The following DPP6 variants were observed in gnomAD, a reference collection of about 807,000 sequenced individuals.
DPP6 encodes dipeptidyl peptidase like 6, also known as A-type potassium channel modulatory protein DPP6.
A neutral mutation model predicts 122.6 loss-of-function variants in DPP6; 69 were observed. The observed-to-expected ratio is 0.56, with a 90% CI of 0.46 to 0.69. The LOEUF is 0.69. DPP6 is among the 30% of genes least tolerant of loss of function. The probability of loss-of-function intolerance (pLI) is 0.00; values close to 1 mark genes in which losing one functional copy is unlikely to be tolerated. For missense variants in DPP6, 928 were observed against 1,116.9 expected (o/e 0.83, Z 2.41); for synonymous variants, 418 against 433.1 (o/e 0.97, Z 0.43).
intron 1 of DPP6, among the ~76,000 whole-genome samples, chr7:154,180,994 TCAATCC>T (rs966805444): frequency 6.6e-6 from 1 of 152,228 alleles, no homozygotes; most frequent in African/African-American, 2.4e-5. Flanking sequence ...CCCTGCCAGT[TCAATCC>T]CCTGGCTTGG....
At chr7:154,463,178 C>T (rs890688427) in intron 2 of DPP6, among the ~76,000 whole-genome samples, 1 of 145,356 alleles carries the variant, frequency 6.9e-6, no homozygotes, top group African/African-American at 2.5e-5. Flanking sequence ...GTGCTTTTTA[C>T]CTTTACTTCT....
rs77654501 is a variant in DPP6, at chr7:154,399,639, G to A, written c.244-46575G>A. Among the ~76,000 whole-genome samples, 679 of 152,256 alleles carry A rather than the reference G, an allele frequency of 4.5e-3. 4 individuals are homozygous for A. Among genetic ancestry groups the A allele is most frequent in the African/African-American group, 0.016 (658 of 41,546 alleles). On this transcript the variant is annotated intron_variant, in intron 1 of 25. Coordinates refer to ENST00000377770, the MANE Select transcript of DPP6 (RefSeq NM_130797.4). ...GAGAACATCCTCTGAGAAAAGAACT[G>A]TGTGCATCTTGCCATGGAAAAGAAG...
intron 5 of DPP6, among the ~76,000 whole-genome samples, chr7:154,594,501 T>A (rs1358491857): frequency 1.3e-5 from 2 of 152,204 alleles, no homozygotes; most frequent in African/African-American, 4.8e-5. Flanking sequence ...GCAATAATTG[T>A]CCTTCTCACC....
intron 1 of DPP6, among the ~76,000 whole-genome samples, chr7:154,061,985 C>T (rs1303630453): frequency 1.6e-5 from 2 of 127,804 alleles, no homozygotes; most frequent in Non-Finnish European, 3.4e-5. Flanking sequence ...ATCCCCTCTT[C>T]CGCCCCTGGC....
intron 1 of DPP6, among the ~76,000 whole-genome samples, chr7:153,941,760 G>T (rs1049561954): frequency 1.3e-5 from 2 of 152,208 alleles, no homozygotes; most frequent in African/African-American, 4.8e-5. Context: ...AAGAAATGCA[G>T]TCCCAATCTT....
At chr7:154,562,716 G>A (rs1027632980) in intron 4 of DPP6, among the ~76,000 whole-genome samples, 1 of 152,014 alleles carries the variant, frequency 6.6e-6, no homozygotes, top group Non-Finnish European at 1.5e-5. Context: ...ATATCTACCA[G>A]AACAAATAAT....
At chr7:154,602,577 A>G (rs996615849) in intron 5 of DPP6, among the ~76,000 whole-genome samples, 1 of 116,222 alleles carries the variant, frequency 8.6e-6, no homozygotes, top group African/African-American at 2.7e-5. Flanking sequence ...GGCACCCACC[A>G]TCATGCCTGG....
the DPP6 span, among the ~76,000 whole-genome samples, chr7:153,873,797 G>C: frequency 1.3e-5 from 2 of 152,190 alleles, no homozygotes. Context: ...AGGAAGTGAG[G>C]ACTTGTGTCT....
At chr7:153,854,227 C>A in the DPP6 span, among the ~76,000 whole-genome samples, 1 of 151,644 alleles carries the variant, frequency 6.6e-6, no homozygotes. Flanking sequence ...GTACAAGTAC[C>A]ATGCTGTTTT....
intron 3 of DPP6, chr7:154,475,947 G>C (rs543486604): frequency 1.3e-5 from 2 of 152,400 alleles, no homozygotes; most frequent in East Asian, 3.9e-4. Flanking sequence ...AGTGCGAGCT[G>C]TGGCTAGCAG....
At chr7:154,808,759 T>C (rs913473403) in intron 16 of DPP6, among the ~76,000 whole-genome samples, 2 of 152,162 alleles carry the variant, frequency 1.3e-5, no homozygotes, top group Non-Finnish European at 2.9e-5. Context: ...GCAGACCCAC[T>C]AGGAGCCAGA....
At chr7:154,201,229 GA>G (rs1799159187) in intron 1 of DPP6, among the ~76,000 whole-genome samples, 1 of 152,064 alleles carries the variant, frequency 6.6e-6, no homozygotes, top group African/African-American at 2.4e-5. Context: ...CTGGATTCAA[GA>G]AATTTTCCTG....
At chr7:154,186,998 G>A (rs748044343) in intron 1 of DPP6, among the ~76,000 whole-genome samples, 18 of 152,212 alleles carry the variant, frequency 1.2e-4, no homozygotes, top group South Asian at 2.1e-4. Context: ...GCCAGTTCCC[G>A]TTTGGAGTCT....
At chr7:153,978,177 A>G (rs1163820673) in intron 1 of DPP6, among the ~76,000 whole-genome samples, 6 of 152,232 alleles carry the variant, frequency 3.9e-5, no homozygotes, top group African/African-American at 7.2e-5. Flanking sequence ...CCAACAGTGT[A>G]AAAGCGTTCT....
intron 7 of DPP6, among the ~76,000 whole-genome samples, chr7:154,726,416 C>G (rs1469528247): frequency 6.6e-6 from 1 of 152,216 alleles, no homozygotes; most frequent in African/African-American, 2.4e-5. Flanking sequence ...GGCTTAATAC[C>G]AAGTGGAAGC....
intron 1 of DPP6, among the ~76,000 whole-genome samples, chr7:154,256,192 T>C (rs1298055314): frequency 1.3e-5 from 2 of 152,220 alleles, no homozygotes; most frequent in African/African-American, 4.8e-5. Flanking sequence ...TGAGACCCAA[T>C]TTAAGGAATA....
chr7:154,211,250 A>G (rs112003966), intron 1 of DPP6, among the ~76,000 whole-genome samples: 3,740 of 152,278 alleles, frequency 0.025, 169 homozygotes, highest in African/African-American at 0.085. Flanking sequence ...GGAGGAGGGA[A>G]CAAGCTGGCA....
chr7:154,779,697 G>T (rs1796910511), intron 10 of DPP6, among the ~76,000 whole-genome samples: 1 of 152,150 alleles, frequency 6.6e-6, no homozygotes, highest in Non-Finnish European at 1.5e-5. Context: ...CCCTCAGGCT[G>T]TGGTCCATCT....
the DPP6 span, among the ~76,000 whole-genome samples, chr7:153,834,087 G>T: frequency 6.6e-6 from 1 of 152,064 alleles, no homozygotes; most frequent in Non-Finnish European, 1.5e-5. Context: ...AGGAATTCAA[G>T]ACCAGTGTGG....
Sources: gnomAD v4.1 joint callset for allele counts (sites outside exome capture counted in the v4.1 genomes callset) on GRCh38, gnomAD v4.1.1 for gene constraint, MANE v1.5 for transcripts, NCBI Gene and HGNC (gene_info 2026-07-23, HGNC 2026-07-21) for gene names.